PAK6: variants seen among roughly 807,000 people sequenced by gnomAD.
PAK6 encodes p21 (RAC1) activated kinase 6.
Under a neutral mutation model 60.8 loss-of-function variants are expected in PAK6, and 33 were observed. The ratio of observed to expected loss-of-function variants is 0.54; its 90% CI spans 0.41 to 0.73. PAK6 has a LOEUF of 0.73. Ranked by LOEUF, PAK6 falls within the 30% of genes least tolerant of loss-of-function variation. The probability of loss-of-function intolerance (pLI) is 0.00; values close to 1 mark genes in which losing one functional copy is unlikely to be tolerated. For synonymous variants in PAK6, 404 were observed against 378.5 expected (o/e 1.07, Z -0.78); for missense variants, 845 against 904.1 (o/e 0.93, Z 0.84).
chr15:40,273,327 G>GC lies in PAK6; in HGVS notation c.1491-15dup, dbSNP rs751134576. ...AGCTAACGTTCTCTTTCATCGGGTG[G>GC]CCCCACCTTCCTGTCCAGGCTGAAT... On this transcript the variant is annotated intron_variant, in intron 7 of 10. Coordinates refer to ENST00000560346, the Ensembl canonical transcript of PAK6. 2 of 1,611,216 alleles carry GC rather than the reference G, an allele frequency of 1.2e-6. No individual in the cohort carries two copies. The highest frequency in any genetic ancestry group is 1.7e-6 in the Non-Finnish European group (2 of 1,178,506).
chr15:40,266,413 G>C (rs2039138970), exon 5 of PAK6: 2 of 1,613,182 alleles, frequency 1.2e-6, no homozygotes, highest in Admixed American at 3.3e-5. Flanking sequence ...CTGAAGCGCA[G>C]GCTATTCCGA....
intron 3 of PAK6, among the ~76,000 whole-genome samples, chr15:40,257,480 C>A (rs944923250): frequency 1.4e-5 from 2 of 142,636 alleles, no homozygotes; most frequent in Admixed American, 6.7e-5. Flanking sequence ...ACGTGGGATA[C>A]CACCACTTCT....
chr15:40,263,756 A>G, intron 3 of PAK6: 1 of 380,730 alleles, frequency 2.6e-6, no homozygotes, highest in Non-Finnish European at 5.4e-6. Context: ...CCGGGACTAC[A>G]GGCACGTGCC....
At chr15:40,265,781 A>C in intron 4 of PAK6, 61 bp from the exon 5 acceptor site, 3 of 1,459,904 alleles carry the variant, frequency 2.1e-6, no homozygotes. Context: ...CTGATCTCCC[A>C]GCCACCCCTC....
chr15:40,273,889 C>A, intron 9 of PAK6: 1 of 686,070 alleles, frequency 1.5e-6, no homozygotes, highest in East Asian at 2.7e-5. Context: ...AGCTCAAGGG[C>A]AGAATGGGGT....
At position 40,273,896 on chromosome 15, in the gene PAK6, G is replaced by T; in HGVS notation, c.1743+220G>T. On this transcript the variant is annotated intron_variant, in intron 9 of 10. Transcript: ENST00000560346. ...CTTTCCTCAGCTCAAGGGCAGAATG[G>T]GGTATGGCCGGGCCTCCTATGTATG... is the stretch of plus-strand genomic sequence containing the variant. The T allele has an allele frequency of 6.0e-6, 4 of 667,894 alleles. No individual in the cohort carries two copies. The South Asian group carries it at 7.5e-5, about 13-fold the overall frequency. The allele number at this position is 667,894 out of a possible 1,614,324, so 41.4% of individuals were successfully genotyped here.
chr15:40,268,541 G>T (rs2039212121), intron 5 of PAK6, among the ~76,000 whole-genome samples: 1 of 152,196 alleles, frequency 6.6e-6, no homozygotes, highest in Non-Finnish European at 1.5e-5. Flanking sequence ...CAAGCCAGCA[G>T]CCCTTGGCAC....
At chr15:40,241,434 G>A (rs2038330190) in intron 2 of PAK6, among the ~76,000 whole-genome samples, 2 of 148,220 alleles carry the variant, frequency 1.3e-5, no homozygotes, top group Admixed American at 1.4e-4. Context: ...AGGCCTGGTG[G>A]GCCTGGGACT....
intron 3 of PAK6, among the ~76,000 whole-genome samples, chr15:40,263,243 C>T (rs1464727227): frequency 2.0e-5 from 3 of 152,198 alleles, no homozygotes; most frequent in Non-Finnish European, 4.4e-5. Flanking sequence ...GATCTTCGGG[C>T]GGATGAGTAA....
At position 40,243,212 on chromosome 15, in the gene PAK6, T is replaced by A. The variant is rs192815974; in HGVS notation, c.-118+2531T>A. 1.8e-4 allele frequency among the ~76,000 whole-genome samples: 27 copies of A among 152,258 alleles called. No homozygotes were observed. In the East Asian group the frequency reaches 3.1e-3, roughly 17 times the overall value. On this transcript the variant is annotated intron_variant, in intron 2 of 10. Transcript: ENST00000560346. Reference sequence around the variant, plus strand: ...ATGGACAAAAAAGATAAGTTGAGAATGACAAACAAAGGAAGAAGCAGCTTC... The same window carrying A: ...ATGGACAAAAAAGATAAGTTGAGAAAGACAAACAAAGGAAGAAGCAGCTTC...
chr15:40,249,152 T>C (rs2038586972), intron 2 of PAK6, among the ~76,000 whole-genome samples: 1 of 152,124 alleles, frequency 6.6e-6, no homozygotes, highest in South Asian at 2.1e-4. Context: ...GGGCCAGGGA[T>C]CTCTCTGGGG....
At chr15:40,266,435 G>C (rs1416048041) in exon 5 of PAK6, 1 of 1,612,992 alleles carries the variant, frequency 6.2e-7, no homozygotes, top group South Asian at 1.1e-5. Context: ...GCATGTTCCT[G>C]TCCACTGCTG....
intron 1 of PAK6, among the ~76,000 whole-genome samples, chr15:40,240,336 C>T (rs955106311): frequency 7.9e-5 from 12 of 152,190 alleles, no homozygotes; most frequent in African/African-American, 1.7e-4. Flanking sequence ...TGATCAGGAC[C>T]CAGCGGGTGC....
At chr15:40,250,162 C>A (rs2038623241) in intron 2 of PAK6, among the ~76,000 whole-genome samples, 1 of 152,192 alleles carries the variant, frequency 6.6e-6, no homozygotes, top group African/African-American at 2.4e-5. Context: ...TCCTCCTGGG[C>A]AGGGCTGAGC....
At chr15:40,264,110 CCT>C (rs1216759073) in intron 3 of PAK6, among the ~76,000 whole-genome samples, 2 of 152,122 alleles carry the variant, frequency 1.3e-5, no homozygotes, top group Non-Finnish European at 2.9e-5. Flanking sequence ...TTGGGGGCTC[CCT>C]GATACATAAT....
At chr15:40,265,862 G>A (rs754566912) in exon 5 of PAK6, 104 of 1,546,492 alleles carry the variant, frequency 6.7e-5, no homozygotes, top group Non-Finnish European at 8.4e-5. Flanking sequence ...GGGGCAGCGC[G>A]ATGCCTGTGG....
At chr15:40,247,875 C>T (rs1344785351) in intron 2 of PAK6, among the ~76,000 whole-genome samples, 3 of 152,174 alleles carry the variant, frequency 2.0e-5, no homozygotes, top group African/African-American at 4.8e-5. Flanking sequence ...GCACATCAAA[C>T]CAAGCTCCAG....
At chr15:40,272,291 T>C in exon 6 of PAK6, 1 of 1,613,966 alleles carries the variant, frequency 6.2e-7, no homozygotes, top group Non-Finnish European at 8.5e-7. Context: ...GCCCAGTCCT[T>C]GCCCTCGGAC....
chr15:40,268,548 G>A (rs889656611), intron 5 of PAK6, among the ~76,000 whole-genome samples: 19 of 152,274 alleles, frequency 1.2e-4, no homozygotes, highest in Admixed American at 8.5e-4. Context: ...GCAGCCCTTG[G>A]CACTGGGGCT....
Sources: gnomAD v4.1 joint callset for allele counts (sites outside exome capture counted in the v4.1 genomes callset) on GRCh38, gnomAD v4.1.1 for gene constraint, MANE v1.5 for transcripts, NCBI Gene and HGNC (gene_info 2026-07-23, HGNC 2026-07-21) for gene names.